The following PCDHGB3 variants were observed in gnomAD, a reference collection of about 807,000 sequenced individuals.
The protein encoded by PCDHGB3 is protocadherin gamma subfamily B, 3.
Under a neutral mutation model 59.2 loss-of-function variants are expected in PCDHGB3, and 40 were observed. The observed-to-expected ratio is 0.68, with a 90% confidence interval of 0.52 to 0.88. The LOEUF (loss-of-function observed/expected upper bound fraction) is 0.88, where lower values mean the gene tolerates loss of function less well. Among genes scored for constraint, PCDHGB3 ranks in the 40% least tolerant of loss-of-function variants. PCDHGB3 has a pLI of 0.00. For missense variants in PCDHGB3, 1,309 were observed against 1,187.9 expected, an observed-to-expected ratio of 1.10 and a Z score of -1.50; for synonymous variants, 581 against 503.6, an observed-to-expected ratio of 1.15 and a Z score of -2.06.
chr5:141,481,096 T>C (rs1162625304), intron 1 of PCDHGB3, among the ~76,000 whole-genome samples: 2 of 152,150 alleles, frequency 1.3e-5, no homozygotes, highest in East Asian at 1.9e-4. Flanking sequence ...AAAGCAGTAC[T>C]CTGGAACCTA....
chr5:141,370,306 C>T lies in PCDHGB3; in HGVS notation c.-89C>T, dbSNP rs1766802284. On this transcript the variant is annotated 5_prime_UTR_variant, in exon 1 of 4. Coordinates refer to ENST00000576222, the MANE Select transcript of PCDHGB3 (RefSeq NM_018924.5). ...AGAGAACCCAAGCACAAAGACAAAG[C>T]AAATAGTTGGTCCTGCTCGGAGAAC... is the stretch of plus-strand genomic sequence containing the variant. 1 of 1,215,888 alleles carries T rather than the reference C, an allele frequency of 8.2e-7. No homozygotes were observed. The highest frequency in any genetic ancestry group is 1.1e-6 in the Non-Finnish European group (1 of 877,240). 75.3% of individuals were successfully genotyped at this position (1,215,888 alleles called of 1,614,324 possible). A position where few individuals can be genotyped will look rare whatever the true frequency, so the allele number is the denominator to read the frequency against.
intron 1 of PCDHGB3, among the ~76,000 whole-genome samples, chr5:141,382,019 G>T (rs1777875192): frequency 6.6e-6 from 1 of 151,628 alleles, no homozygotes; most frequent in South Asian, 2.1e-4. Flanking sequence ...AGTAGAGACG[G>T]GGTTTCTCCA....
intron 1 of PCDHGB3, chr5:141,420,380 C>T (rs1343046478): frequency 7.7e-7 from 1 of 1,306,574 alleles, no homozygotes; most frequent in Non-Finnish European, 1.0e-6. Flanking sequence ...TCATAGAGTT[C>T]GCAAAATATA....
chr5:141,428,479 T>A (rs577865239), intron 1 of PCDHGB3: 1 of 328,682 alleles, frequency 3.0e-6, no homozygotes, highest in African/African-American at 2.1e-5. Flanking sequence ...TTTGCTTTAT[T>A]CCTGCAATCT....
chr5:141,416,859 G>A (rs1411419006), intron 1 of PCDHGB3: 1 of 151,936 alleles, frequency 6.6e-6, no homozygotes, highest in South Asian at 2.1e-4. Context: ...ATTTTTTTCA[G>A]GTCAGTCAAC....
At chr5:141,502,074 C>G (rs73794927) in intron 2 of PCDHGB3, among the ~76,000 whole-genome samples, 1,657 of 152,272 alleles carry the variant, frequency 0.011, 27 homozygotes, top group African/African-American at 0.037. Flanking sequence ...CCCCCTTCAC[C>G]TGGGGCTGAG....
intron 1 of PCDHGB3, among the ~76,000 whole-genome samples, chr5:141,454,730 A>C (rs2098797371): frequency 6.7e-6 from 1 of 150,092 alleles, no homozygotes; most frequent in Admixed American, 6.7e-5. Context: ...TATATGTTAT[A>C]GGATGAAAAG....
chr5:141,405,118 G>T (rs368800698), intron 1 of PCDHGB3: 1 of 1,613,946 alleles, frequency 6.2e-7, no homozygotes, highest in Non-Finnish European at 8.5e-7. Context: ...GGCACTCCTC[G>T]CATCTGCTGC....
At chr5:141,417,384 GAAGA>G (rs2096114648) in intron 1 of PCDHGB3, 1 of 154,070 alleles carries the variant, frequency 6.5e-6, no homozygotes, top group African/African-American at 2.4e-5. Context: ...TTTAAATTTT[GAAGA>G]AAAAATATTC....
intron 1 of PCDHGB3, among the ~76,000 whole-genome samples, chr5:141,460,914 A>G (rs62379191): frequency 4.9e-5 from 6 of 122,236 alleles, no homozygotes; most frequent in Non-Finnish European, 5.2e-5. Context: ...TCCATGGTGT[A>G]TATATATATA....
chr5:141,487,695 C>T lies in PCDHGB3; in HGVS notation c.2416-7112C>T, dbSNP rs1345224043. The stretch of plus-strand genomic sequence containing the variant: ...TGGCTAGGCCATGTCCTAGAGAGTA[C>T]TGGCCTCTCAGTAAGTGCCCATAGT... On this transcript the variant is annotated intron_variant, in intron 1 of 3. Coordinates refer to ENST00000576222, the MANE Select transcript of PCDHGB3 (RefSeq NM_018924.5). The surrounding 1 kb of genome is among the most constrained non-coding windows in gnomAD (Gnocchi z 5.0). 2 of 1,601,306 alleles carry T rather than the reference C, an allele frequency of 1.2e-6. No individual in the cohort carries two copies. Among genetic ancestry groups the T allele is most frequent in the East Asian group, 2.2e-5 (1 of 44,606 alleles).
At position 141,372,541 on chromosome 5, in the gene PCDHGB3, G is replaced by C. The variant is rs376822583; in HGVS notation, c.2147G>C (p.Arg716Pro). Reference sequence around the variant, plus strand: ...ATTCTGGCAATCTCCCTGCGCCTGCGATGCTCCTCCAGACCCGCCACTGAG... The same window carrying C: ...ATTCTGGCAATCTCCCTGCGCCTGCCATGCTCCTCCAGACCCGCCACTGAG... ...AVILAISLRL[R>P]CSSRPATEGY... Residue 716 changes from arginine to proline, a missense_variant, in exon 1 of 4, where the codon CGA (arginine) becomes CCA (proline). Transcript: ENST00000576222. 2.5e-6 allele frequency: 4 copies of C among 1,613,980 alleles called. No individual in the cohort carries two copies. The South Asian group carries it at 4.4e-5, about 18-fold the overall frequency.
chr5:141,509,346 G>A (rs946395640), intron 3 of PCDHGB3, among the ~76,000 whole-genome samples: 7 of 152,194 alleles, frequency 4.6e-5, no homozygotes, highest in Non-Finnish European at 8.8e-5. Flanking sequence ...GCCTGGGCTG[G>A]CCTGGGCATC....
At chr5:141,399,942 G>A (rs780939486) in intron 1 of PCDHGB3, 12 of 1,612,140 alleles carry the variant, frequency 7.4e-6, no homozygotes, top group Middle Eastern at 1.9e-4. Context: ...ACCACGTGCT[G>A]CAGGCTAGCG....
At chr5:141,374,607 AT>A in intron 1 of PCDHGB3, 5 of 1,613,660 alleles carry the variant, frequency 3.1e-6, no homozygotes, top group Non-Finnish European at 4.2e-6. Flanking sequence ...CTCAGTGGTA[AT>A]AGTCACTTCT....
intron 2 of PCDHGB3, among the ~76,000 whole-genome samples, chr5:141,500,125 T>C (rs1367341826): frequency 2.0e-5 from 3 of 151,970 alleles, no homozygotes; most frequent in African/African-American, 4.8e-5. Flanking sequence ...CCTTTTCATA[T>C]ATATCTTTCT....
intron 1 of PCDHGB3, among the ~76,000 whole-genome samples, chr5:141,401,408 A>G (rs943963302): frequency 6.6e-6 from 1 of 152,200 alleles, no homozygotes; most frequent in Non-Finnish European, 1.5e-5. Flanking sequence ...TATGAGAGAG[A>G]AAGAGAGAGA....
rs374095590 is a variant in PCDHGB3, at chr5:141,431,523, T to C, written c.2415+58714T>C. On this transcript the variant is annotated intron_variant, in intron 1 of 3. Coordinates refer to ENST00000576222, the MANE Select transcript of PCDHGB3 (RefSeq NM_018924.5). This position sits in a 1 kb window ranked among gnomAD's most constrained non-coding sequence, Gnocchi z 4.8. ...TACCGCGCGAGCGTTCCGGAGAATC[T>C]GGCCTTGGGCACGCAGCTGCTTGTA... 13 of 1,613,952 alleles carry C rather than the reference T, an allele frequency of 8.1e-6. No homozygotes were observed. The African/African-American group carries it at 1.5e-4, about 18-fold the overall frequency.
intron 1 of PCDHGB3, among the ~76,000 whole-genome samples, chr5:141,406,715 A>G (rs2094843333): frequency 6.6e-6 from 1 of 152,252 alleles, no homozygotes; most frequent in Non-Finnish European, 1.5e-5. Flanking sequence ...CTTGCTCAAG[A>G]GAAGTTTCTA....
Sources: gnomAD v4.1 joint callset for allele counts (sites outside exome capture counted in the v4.1 genomes callset) on GRCh38, gnomAD v4.1.1 for gene constraint, Gnocchi (gnomAD v3.1) non-coding constraint, MANE v1.5 for transcripts, NCBI Gene and HGNC (gene_info 2026-07-23, HGNC 2026-07-21) for gene names.